ABLIM1: variants seen among roughly 807,000 people sequenced by gnomAD.
ABLIM1 encodes actin-binding LIM protein 1.
A neutral mutation model predicts 107.0 loss-of-function variants in ABLIM1; 40 were observed. That is an observed-to-expected ratio of 0.37 (90% CI 0.29 to 0.49). The LOEUF is 0.49. Among genes scored for constraint, ABLIM1 ranks in the 20% least tolerant of loss-of-function variants. The pLI, the probability that ABLIM1 is intolerant of heterozygous loss-of-function variation, is 0.97. For missense variants in ABLIM1, 857 were observed against 1,008.5 expected (o/e 0.85, Z 2.04); for synonymous variants, 357 against 357.3 (o/e 1.00, Z 0.01).
At chr10:114,672,245 G>A (rs2080287822) in intron 1 of ABLIM1, among the ~76,000 whole-genome samples, 1 of 151,884 alleles carries the variant, frequency 6.6e-6, no homozygotes. Flanking sequence ...CTGTTGCCCA[G>A]GCTGGAGTGC....
intron 1 of ABLIM1, among the ~76,000 whole-genome samples, chr10:114,666,289 A>G (rs573074784): frequency 3.0e-4 from 45 of 152,310 alleles, no homozygotes; most frequent in African/African-American, 9.9e-4. Flanking sequence ...CTATATGTTT[A>G]AAAGTGTAGA....
At chr10:114,639,890 T>G (rs1357003143) in intron 1 of ABLIM1, among the ~76,000 whole-genome samples, 3 of 152,164 alleles carry the variant, frequency 2.0e-5, no homozygotes, top group Admixed American at 2.0e-4. Context: ...AGGATTCCAC[T>G]GCAGTCACAA....
At chr10:114,441,678 G>C (rs760155383) in intron 18 of ABLIM1, 44 bp downstream of exon 18, 1 of 1,558,328 alleles carries the variant, frequency 6.4e-7, no homozygotes, top group Non-Finnish European at 8.9e-7. Flanking sequence ...CCAGGGCCGA[G>C]GTGGGAGTAA....
chr10:114,796,065 T>TGA, the ABLIM1 span, among the ~76,000 whole-genome samples: 1 of 152,168 alleles, frequency 6.6e-6, no homozygotes, highest in African/African-American at 2.4e-5. Flanking sequence ...AACCTTGACT[T>TGA]GAGAGGCAGG....
At chr10:114,770,082 T>A (rs2083004835), upstream of ABLIM1, among the ~76,000 whole-genome samples, 1 of 152,194 alleles carries the variant, frequency 6.6e-6, no homozygotes, top group African/African-American at 2.4e-5. Context: ...CCCCCCAGGT[T>A]TATTTTGCCC....
At chr10:114,596,060 C>G (rs529569894) in intron 2 of ABLIM1, among the ~76,000 whole-genome samples, 2 of 152,188 alleles carry the variant, frequency 1.3e-5, no homozygotes, top group African/African-American at 2.4e-5. Flanking sequence ...TCTACCCAGG[C>G]AGCTCAGCTG....
the ABLIM1 span, among the ~76,000 whole-genome samples, chr10:114,793,183 TC>T: frequency 6.6e-6 from 1 of 151,826 alleles, no homozygotes; most frequent in African/African-American, 2.4e-5. Flanking sequence ...AGAAATGCAA[TC>T]CCCAATGTTG....
At chr10:114,535,665 G>A (rs2065922485) in intron 6 of ABLIM1, among the ~76,000 whole-genome samples, 1 of 152,162 alleles carries the variant, frequency 6.6e-6, no homozygotes, top group South Asian at 2.1e-4. Context: ...GGCCATTCTT[G>A]CATAGATAGC....
At chr10:114,559,997 G>A (rs932652267) in intron 4 of ABLIM1, among the ~76,000 whole-genome samples, 3 of 152,166 alleles carry the variant, frequency 2.0e-5, no homozygotes, top group Non-Finnish European at 2.9e-5. Flanking sequence ...CGTCACCTAA[G>A]GCCATTCAAT....
intron 4 of ABLIM1, among the ~76,000 whole-genome samples, chr10:114,553,125 C>T (rs1263912254): frequency 1.3e-5 from 2 of 152,172 alleles, no homozygotes; most frequent in East Asian, 3.9e-4. Flanking sequence ...GAATAAGGGC[C>T]CCAAAGATGT....
At chr10:114,590,780 C>T (rs1293648819) in intron 2 of ABLIM1, among the ~76,000 whole-genome samples, 2 of 152,100 alleles carry the variant, frequency 1.3e-5, no homozygotes, top group African/African-American at 4.8e-5. Flanking sequence ...TTTGAAGGTA[C>T]CCCCAAAGGC....
chr10:114,713,977 T>C (rs766289472), intron 1 of ABLIM1, among the ~76,000 whole-genome samples: 3 of 152,270 alleles, frequency 2.0e-5, no homozygotes, highest in Admixed American at 6.5e-5. Context: ...AGGTGTTGAA[T>C]TCACAGGGTC....
intron 1 of ABLIM1, among the ~76,000 whole-genome samples, chr10:114,761,117 C>T (rs991780687): frequency 1.3e-5 from 2 of 152,002 alleles, no homozygotes; most frequent in East Asian, 1.9e-4. Context: ...TGAAAGAAAC[C>T]GATAAAGCTA....
In ABLIM1 at chr10:114,490,974, ATGTGTGTGTG is replaced by A. The variant is rs140256636; in HGVS notation, c.982+807_982+816del. Among the ~76,000 whole-genome samples, 130 of 99,272 alleles carry A rather than the reference ATGTGTGTGTG, an allele frequency of 1.3e-3. 2 individuals are homozygous for A. Among genetic ancestry groups the A allele is most frequent in the African/African-American group, 4.8e-3 (121 of 25,468 alleles). 65.1% of individuals were successfully genotyped at this position (99,272 alleles called of 152,430 possible). A position where few individuals can be genotyped will look rare whatever the true frequency, so the allele number is the denominator to read the frequency against. On this transcript the variant is annotated intron_variant, in intron 7 of 22. Transcript: ENST00000533213. ...GTGAGCCACCACGCCCGGCATATAT[ATGTGTGTGTG>A]TGTGTGTGTGTGTGTGTGTGTGTGT... is the stretch of plus-strand genomic sequence containing the variant.
intron 5 of ABLIM1, among the ~76,000 whole-genome samples, chr10:114,545,948 A>AC (rs1389729003): frequency 6.7e-6 from 1 of 150,056 alleles, no homozygotes; most frequent in Non-Finnish European, 1.5e-5. Flanking sequence ...AAAAACAAAA[A>AC]AAAAAAACAA....
At chr10:114,708,388 G>A (rs1437953044) in intron 1 of ABLIM1, among the ~76,000 whole-genome samples, 2 of 152,086 alleles carry the variant, frequency 1.3e-5, no homozygotes, top group Admixed American at 1.3e-4. Context: ...ACAGAAAAAG[G>A]AGTGTCCCAG....
chr10:114,468,943 T>G (rs1471226875), intron 10 of ABLIM1, among the ~76,000 whole-genome samples: 1 of 151,438 alleles, frequency 6.6e-6, no homozygotes, highest in Non-Finnish European at 1.5e-5. Flanking sequence ...TCCCAGCTAC[T>G]TGGGAGGCTG....
At chr10:114,542,599 A>AGAAGGAG (rs1209466963) in intron 6 of ABLIM1, among the ~76,000 whole-genome samples, 3 of 150,730 alleles carry the variant, frequency 2.0e-5, no homozygotes, top group African/African-American at 7.3e-5. Flanking sequence ...GGAAGGAGGA[A>AGAAGGAG]GAAGAAGAAA....
the ABLIM1 span, among the ~76,000 whole-genome samples, chr10:114,796,425 T>C: frequency 6.6e-6 from 1 of 152,160 alleles, no homozygotes; most frequent in African/African-American, 2.4e-5. Context: ...CCAGGGTTGT[T>C]TGTGATATGT....
Sources: gnomAD v4.1 joint callset for allele counts (sites outside exome capture counted in the v4.1 genomes callset) on GRCh38, gnomAD v4.1.1 for gene constraint, MANE v1.5 for transcripts, NCBI Gene and HGNC (gene_info 2026-07-23, HGNC 2026-07-21) for gene names.